PIN4: variants seen among roughly 807,000 people sequenced by gnomAD.
PIN4 encodes peptidyl-prolyl cis-trans isomerase NIMA-interacting 4.
In PIN4, 3 loss-of-function variants were observed where a neutral mutation model predicts 8.3. The observed-to-expected ratio is 0.36, with a 90% CI of 0.16 to 0.93. The LOEUF (loss-of-function observed/expected upper bound fraction) is 0.93, where lower values mean the gene tolerates loss of function less well. Among genes scored for constraint, PIN4 ranks in the 40% least tolerant of loss-of-function variants. The pLI is 0.44. For missense variants in PIN4, 75 were observed against 100.6 expected, an observed-to-expected ratio of 0.75 and a Z score of 1.09; for synonymous variants, 18 against 32.5, an observed-to-expected ratio of 0.55 and a Z score of 1.52.
chrX:72,200,394 G>T (rs1025159088), downstream of PIN4, among the ~76,000 whole-genome samples: 1 of 111,462 alleles, frequency 9.0e-6, no homozygotes, highest in African/African-American at 3.3e-5. Flanking sequence ...ACATTGTTTG[G>T]TAAGGGTGTG....
chrX:72,207,721 T>C (rs765230986), intron 3 of PIN4: 13 of 1,211,742 alleles, frequency 1.1e-5, no homozygotes, highest in Non-Finnish European at 1.5e-5. Flanking sequence ...AACATCTGGA[T>C]TCTTTTCATT....
At chrX:72,204,698 C>CTGT in intron 3 of PIN4, 1 of 142,684 alleles carries the variant, frequency 7.0e-6, no homozygotes, top group Non-Finnish European at 1.4e-5. Context: ...CTTATCTGAA[C>CTGT]TGTTATATAC....
At chrX:72,234,602 C>G (rs983524649) in intron 3 of PIN4, among the ~76,000 whole-genome samples, 1 of 109,790 alleles carries the variant, frequency 9.1e-6, no homozygotes, top group African/African-American at 3.3e-5. Flanking sequence ...TTTTTTTTAA[C>G]AATGAAAGAA....
intron 2 of PIN4, among the ~76,000 whole-genome samples, chrX:72,188,020 G>A (rs1020914672): frequency 7.2e-5 from 8 of 111,544 alleles, no homozygotes; most frequent in Non-Finnish European, 1.5e-4. Context: ...GCCCCACAGA[G>A]AGAGAGAGAG....
At chrX:72,227,344 C>T (rs1260502190) in intron 3 of PIN4, among the ~76,000 whole-genome samples, 3 of 111,947 alleles carry the variant, frequency 2.7e-5, no homozygotes, top group African/African-American at 9.8e-5. Context: ...CTCTATCGAC[C>T]TCAATCTTCA....
At chrX:72,253,424 G>A (rs1303685122) in intron 3 of PIN4, among the ~76,000 whole-genome samples, 2 of 110,918 alleles carry the variant, frequency 1.8e-5, no homozygotes, top group East Asian at 5.6e-4. Context: ...TCAGGAGTTC[G>A]AGACCAGCCT....
chrX:72,192,879 T>C (rs2042743223), intron 2 of PIN4, among the ~76,000 whole-genome samples: 1 of 112,097 alleles, frequency 8.9e-6, no homozygotes, highest in East Asian at 2.8e-4. Flanking sequence ...GTTATAGGTG[T>C]GAGCCACTGC....
chrX:72,243,314 G>GA (rs1352314903), intron 3 of PIN4, among the ~76,000 whole-genome samples: 1 of 110,156 alleles, frequency 9.1e-6, no homozygotes, highest in Non-Finnish European at 1.9e-5. Context: ...TTCTGTCTCA[G>GA]AAAAAAATAA....
At chrX:72,200,051 A>G (rs932766690), downstream of PIN4, among the ~76,000 whole-genome samples, 5 of 109,924 alleles carry the variant, frequency 4.5e-5, no homozygotes, top group African/African-American at 1.7e-4. Context: ...TTGTAGTCCC[A>G]ACTACTCGGG....
At chrX:72,205,172 C>T (rs1264861463) in intron 3 of PIN4, 1 of 1,209,938 alleles carries the variant, frequency 8.3e-7, no homozygotes, top group African/African-American at 1.7e-5. Context: ...GTCTCATAGT[C>T]ATTTGTAGCC....
intron 3 of PIN4, among the ~76,000 whole-genome samples, chrX:72,220,000 T>C (rs1442523962): frequency 8.9e-6 from 1 of 111,817 alleles, no homozygotes; most frequent in African/African-American, 3.3e-5. Context: ...TATGGGATTT[T>C]TGTAGATACC....
rs55908553 is a variant in PIN4, at chrX:72,248,291, G to GAA, written c.313-14372_313-14371dup. On this transcript the variant is annotated intron_variant, in intron 3 of 3. Transcript: ENST00000423432. ...CCTAGGACATAGCTTGCTCCATCCA[G>GAA]AAAAAAAAAAAAAAAAAAAAAAAAA... 4.9e-4 allele frequency among the ~76,000 whole-genome samples: 27 copies of GAA among 54,902 alleles called. 2 individuals carry two copies. Among genetic ancestry groups the GAA allele is most frequent in the Non-Finnish European group, 8.3e-4 (20 of 24,026 alleles). The allele number at this position is 54,902 out of a possible 115,157, so 47.7% of individuals were successfully genotyped here.
intron 3 of PIN4, among the ~76,000 whole-genome samples, chrX:72,221,548 G>A (rs924357601): frequency 1.4e-4 from 15 of 110,977 alleles, no homozygotes; most frequent in African/African-American, 4.9e-4. Context: ...CCTCCCCACT[G>A]GGCTGCCTCC....
At chrX:72,243,383 T>C (rs1377151643) in intron 3 of PIN4, among the ~76,000 whole-genome samples, 1 of 97,761 alleles carries the variant, frequency 1.0e-5, no homozygotes, top group Admixed American at 1.1e-4. Flanking sequence ...GGTATTGCTG[T>C]TTTTTTTTTT....
chrX:72,184,696 C>T (rs1204979444), intron 1 of PIN4, among the ~76,000 whole-genome samples: 2 of 100,259 alleles, frequency 2.0e-5, no homozygotes, highest in African/African-American at 7.3e-5. Flanking sequence ...TTTAATAACA[C>T]TCCTTTGGCA....
chrX:72,227,509 T>C (rs1168709536), intron 3 of PIN4, among the ~76,000 whole-genome samples: 1 of 111,972 alleles, frequency 8.9e-6, no homozygotes, highest in African/African-American at 3.3e-5. Context: ...TTTGAACTCA[T>C]GTATGGGAAA....
intron 2 of PIN4, among the ~76,000 whole-genome samples, chrX:72,193,882 A>AG (rs1305200237): frequency 9.0e-6 from 1 of 110,856 alleles, no homozygotes; most frequent in African/African-American, 3.3e-5. Context: ...CAAAAAAAAA[A>AG]AAAAGAAAAA....
At chrX:72,213,505 T>C (rs2042868875) in intron 3 of PIN4, among the ~76,000 whole-genome samples, 1 of 111,935 alleles carries the variant, frequency 8.9e-6, no homozygotes, top group Admixed American at 9.4e-5. Context: ...TTCTGGTCTG[T>C]GTTTGTTACG....
chrX:72,190,901 C>T (rs911761682), intron 2 of PIN4, among the ~76,000 whole-genome samples: 6 of 104,468 alleles, frequency 5.7e-5, no homozygotes, highest in East Asian at 3.0e-4. Context: ...AGCAGTGAGC[C>T]GTGATCACAC....
Sources: allele counts gnomAD v4.1 joint callset (sites outside exome capture counted in the v4.1 genomes callset), GRCh38; gene constraint gnomAD v4.1.1; transcripts MANE v1.5; gene names NCBI Gene and HGNC (gene_info 2026-07-23, HGNC 2026-07-21).